The following EYS variants were observed in gnomAD, a reference collection of about 807,000 sequenced individuals.
EYS encodes the protein protein eyes shut homolog.
Under a neutral mutation model 282.1 loss-of-function variants are expected in EYS, and 250 were observed. The ratio of observed to expected loss-of-function variants is 0.89; its 90% CI spans 0.80 to 0.98. The LOEUF (loss-of-function observed/expected upper bound fraction) is 0.98. Among genes scored for constraint, EYS ranks in the 50% least tolerant of loss-of-function variants. The pLI, the probability that EYS is intolerant of heterozygous loss-of-function variation, is 0.00. For missense variants in EYS, 4,016 were observed against 3,709.0 expected (o/e 1.08, Z -2.15); for synonymous variants, 1,355 against 1,282.9 (o/e 1.06, Z -1.20).
intron 36 of EYS, among the ~76,000 whole-genome samples, chr6:63,840,819 G>A (rs1301741747): frequency 6.6e-6 from 1 of 152,070 alleles, no homozygotes; most frequent in African/African-American, 2.4e-5. Flanking sequence ...GAATGTCCTT[G>A]CATCTTTGTC....
chr6:64,830,316 A>G (rs1477442934), intron 19 of EYS, among the ~76,000 whole-genome samples: 1 of 152,006 alleles, frequency 6.6e-6, no homozygotes, highest in Non-Finnish European at 1.5e-5. Context: ...TTGTGATAGA[A>G]GCTCAAATGG....
intron 36 of EYS, among the ~76,000 whole-genome samples, chr6:63,836,951 T>A (rs1771824317): frequency 6.6e-6 from 1 of 152,062 alleles, no homozygotes; most frequent in African/African-American, 2.4e-5. Context: ...CTCTGCCTTT[T>A]TTTTGAAATG....
intron 19 of EYS, among the ~76,000 whole-genome samples, chr6:64,866,296 C>T (rs895452333): frequency 6.6e-6 from 1 of 151,808 alleles, no homozygotes; most frequent in African/African-American, 2.4e-5. Context: ...TTAATACAGT[C>T]CTACTACAGT....
rs115550975 is a variant in EYS, at chr6:65,698,066, C to T, written c.-448+9069G>A. Among the ~76,000 whole-genome samples, 1,025 of 151,988 alleles carry T rather than the reference C, an allele frequency of 6.7e-3. 13 individuals carry two copies. Among genetic ancestry groups the T allele is most frequent in the African/African-American group, 0.023 (970 of 41,458 alleles). ...TATGTGTGTCAGGGTGGGAGGGAGA[C>T]GGATATGGTTTAGGTCAGACGCTGG... is the stretch of plus-strand genomic sequence containing the variant. On this transcript the variant is annotated intron_variant, in intron 1 of 42. Transcript: ENST00000503581.
chr6:64,315,295 G>A (rs891230478), intron 29 of EYS, among the ~76,000 whole-genome samples: 5 of 152,062 alleles, frequency 3.3e-5, no homozygotes, highest in South Asian at 2.1e-4. Flanking sequence ...AACCAAAAAC[G>A]TCCAGGATCA....
chr6:64,253,784 C>T (rs1037568667), intron 30 of EYS, among the ~76,000 whole-genome samples: 3 of 151,802 alleles, frequency 2.0e-5, no homozygotes, highest in Non-Finnish European at 4.4e-5. Context: ...AGGCTTTAGC[C>T]GTTATGAATC....
chr6:64,268,199 A>G (rs1767822069), intron 30 of EYS, among the ~76,000 whole-genome samples: 2 of 152,076 alleles, frequency 1.3e-5, no homozygotes, highest in South Asian at 4.1e-4. Context: ...AGAGAAGTAG[A>G]TTTTTGTGTA....
chr6:65,388,935 C>G (rs952217567), intron 7 of EYS, among the ~76,000 whole-genome samples: 1 of 151,952 alleles, frequency 6.6e-6, no homozygotes, highest in Non-Finnish European at 1.5e-5. Context: ...CTCATTCAAT[C>G]CGCTCTAAAG....
At chr6:64,451,390 G>A (rs1245986904) in intron 26 of EYS, among the ~76,000 whole-genome samples, 1 of 151,968 alleles carries the variant, frequency 6.6e-6, no homozygotes, top group African/African-American at 2.4e-5. Context: ...CAAAAAAAGT[G>A]CAGGACCAGA....
chr6:64,477,589 T>G (rs1245187002), intron 26 of EYS, among the ~76,000 whole-genome samples: 1 of 152,100 alleles, frequency 6.6e-6, no homozygotes, highest in Non-Finnish European at 1.5e-5. Context: ...CACCCTTTTA[T>G]TCACTGCTGT....
chr6:65,385,307 A>G (rs772996819), intron 7 of EYS, among the ~76,000 whole-genome samples: 2 of 151,924 alleles, frequency 1.3e-5, no homozygotes, highest in African/African-American at 2.4e-5. Context: ...ATTATTTTAA[A>G]TCTGTTATAA....
chr6:64,900,018 G>A (rs1279298785), intron 18 of EYS, among the ~76,000 whole-genome samples: 2 of 152,092 alleles, frequency 1.3e-5, no homozygotes, highest in African/African-American at 2.4e-5. Context: ...GCATGGTGCT[G>A]GTACCGAAAC....
At chr6:64,449,594 G>C (rs1315207013) in intron 26 of EYS, among the ~76,000 whole-genome samples, 1 of 152,062 alleles carries the variant, frequency 6.6e-6, no homozygotes, top group South Asian at 2.1e-4. Context: ...AAATATTAAG[G>C]GTAACCAGAG....
intron 1 of EYS, among the ~76,000 whole-genome samples, chr6:65,668,197 C>T (rs1186687706): frequency 1.3e-5 from 2 of 151,848 alleles, no homozygotes; most frequent in East Asian, 3.9e-4. Flanking sequence ...CTTAGTCTTA[C>T]TTGAATCAAT....
At chr6:65,097,647 A>G (rs1181909960) in intron 12 of EYS, among the ~76,000 whole-genome samples, 1 of 150,890 alleles carries the variant, frequency 6.6e-6, no homozygotes. Flanking sequence ...CAAGTGTGGT[A>G]CATATGTACG....
chr6:64,856,030 G>T lies in EYS; in HGVS notation c.2992+30667C>A, dbSNP rs567118898. Among the ~76,000 whole-genome samples, 8 of 151,928 alleles carry T rather than the reference G, an allele frequency of 5.3e-5. No homozygotes were observed. In the South Asian group the frequency reaches 1.7e-3, roughly 32 times the overall value. Reference sequence around the variant, plus strand: ...ATGCACCTATTATAGGATGTGTTGGGCTTCCAGCTTTCAACAATTATGAAT... The same window carrying T: ...ATGCACCTATTATAGGATGTGTTGGTCTTCCAGCTTTCAACAATTATGAAT... On this transcript the variant is annotated intron_variant, in intron 19 of 42. Coordinates refer to ENST00000503581, the MANE Select transcript of EYS (RefSeq NM_001142800.2).
At chr6:65,142,524 T>G (rs1312035730) in intron 12 of EYS, among the ~76,000 whole-genome samples, 1 of 75,302 alleles carries the variant, frequency 1.3e-5, no homozygotes, top group Non-Finnish European at 3.0e-5. Context: ...ACACACAGAG[T>G]TCCAATACTA....
chr6:64,848,528 G>T (rs928242878), intron 19 of EYS, among the ~76,000 whole-genome samples: 5 of 151,974 alleles, frequency 3.3e-5, no homozygotes, highest in Admixed American at 1.3e-4. Context: ...GACTGATAAC[G>T]AATGCGTGAT....
At chr6:64,331,588 CA>C (rs1437786305) in intron 29 of EYS, among the ~76,000 whole-genome samples, 1 of 75,928 alleles carries the variant, frequency 1.3e-5, no homozygotes, top group Admixed American at 1.3e-4. Flanking sequence ...GCTCGCCTTC[CA>C]ATAGCCCCCC....
Sources: gnomAD v4.1 joint callset for allele counts (sites outside exome capture counted in the v4.1 genomes callset) on GRCh38, gnomAD v4.1.1 for gene constraint, MANE v1.5 for transcripts, NCBI Gene and HGNC (gene_info 2026-07-23, HGNC 2026-07-21) for gene names.